The following MED13 variants were observed in gnomAD, a reference collection of about 807,000 sequenced individuals.
MED13 encodes mediator complex subunit 13, also known as mediator of RNA polymerase II transcription subunit 13.
A neutral mutation model predicts 225.2 loss-of-function variants in MED13; 23 were observed. That is an observed-to-expected ratio of 0.10 (90% CI 0.07 to 0.14). MED13 has a LOEUF of 0.14. Among genes scored for constraint, MED13 ranks in the 10% least tolerant of loss-of-function variants. MED13 has a pLI of 1.00. For synonymous variants in MED13, 942 were observed against 889.2 expected (o/e 1.06, Z -1.06); for missense variants, 2,197 against 2,594.5 (o/e 0.85, Z 3.33).
chr17:61,993,651 C>A (rs988770378), intron 10 of MED13, among the ~76,000 whole-genome samples: 2 of 151,842 alleles, frequency 1.3e-5, no homozygotes, highest in Non-Finnish European at 2.9e-5. Context: ...TATTGGGGGC[C>A]AGGCACGGTG....
chr17:62,063,691 G>GT (rs1568011224), intron 1 of MED13, among the ~76,000 whole-genome samples: 1 of 152,150 alleles, frequency 6.6e-6, no homozygotes, highest in Non-Finnish European at 1.5e-5. Flanking sequence ...CCTATCATGG[G>GT]TTTTTATTCC....
intron 21 of MED13, among the ~76,000 whole-genome samples, chr17:61,961,994 A>G (rs962474301): frequency 1.3e-5 from 2 of 152,182 alleles, no homozygotes; most frequent in African/African-American, 4.8e-5. Context: ...TTTAAAACCT[A>G]TAAAACTTTC....
intron 2 of MED13, among the ~76,000 whole-genome samples, chr17:62,060,492 C>T (rs1374687031): frequency 1.3e-5 from 2 of 151,032 alleles, no homozygotes; most frequent in East Asian, 2.0e-4. Context: ...TGGTGGTGGG[C>T]GCCTGTAGTC....
chr17:61,998,784 A>G (rs979526931), intron 9 of MED13, among the ~76,000 whole-genome samples: 8 of 151,630 alleles, frequency 5.3e-5, no homozygotes, highest in Non-Finnish European at 1.2e-4. Context: ...TTTTTTGTAG[A>G]GACAGGATCT....
intron 12 of MED13, 40 bp from the exon 13 acceptor site, chr17:61,985,130 C>G: frequency 8.1e-6 from 12 of 1,488,632 alleles, no homozygotes; most frequent in Non-Finnish European, 1.0e-5. Context: ...AATTTTACAT[C>G]CAATGTGATC....
intron 20 of MED13, 63 bp from the exon 21 acceptor site, chr17:61,963,034 G>A (rs2080017020): frequency 7.0e-7 from 1 of 1,426,382 alleles, no homozygotes; most frequent in South Asian, 1.2e-5. Context: ...TAGCATCTAA[G>A]CAGGTTCTTA....
At chr17:62,062,086 G>A in intron 2 of MED13, among the ~76,000 whole-genome samples, 1 of 151,946 alleles carries the variant, frequency 6.6e-6, no homozygotes, top group Non-Finnish European at 1.5e-5. Flanking sequence ...GATCCTATAG[G>A]TCAGAGATAC....
At chr17:62,047,514 T>C (rs1165315595) in intron 3 of MED13, among the ~76,000 whole-genome samples, 1 of 151,954 alleles carries the variant, frequency 6.6e-6, no homozygotes, top group South Asian at 2.1e-4. Flanking sequence ...TGAGAACACA[T>C]GGACACAGGG....
At position 61,966,098 on chromosome 17, in the gene MED13, T is replaced by C. The variant is rs149616928; in HGVS notation, c.4381+364A>G. 1.5e-4 allele frequency among the ~76,000 whole-genome samples: 23 copies of C among 152,372 alleles called. No homozygotes were observed. The East Asian group carries it at 4.4e-3, about 29-fold the overall frequency. Reference sequence around the variant, plus strand: ...ATTTCTTGGTTTGGTAGAGATTAACTATAAATTATTTTATCTCTAAACTGT... The same window carrying C: ...ATTTCTTGGTTTGGTAGAGATTAACCATAAATTATTTTATCTCTAAACTGT... On this transcript the variant is annotated intron_variant, in intron 19 of 29. Coordinates refer to ENST00000397786, the MANE Select transcript of MED13 (RefSeq NM_005121.3).
At chr17:62,048,200 G>T (rs181532651) in intron 3 of MED13, among the ~76,000 whole-genome samples, 3 of 150,074 alleles carry the variant, frequency 2.0e-5, no homozygotes, top group Non-Finnish European at 4.4e-5. Context: ...GAGGCCAGGA[G>T]ATCAAGACCA....
chr17:62,030,133 T>C (rs529498176), intron 6 of MED13, 120 bp from the exon 7 acceptor site: 5 of 987,698 alleles, frequency 5.1e-6, no homozygotes, highest in South Asian at 5.6e-5. Context: ...AAATTATTTA[T>C]ATTTTGAGAT....
chr17:62,048,051 T>TACATATACATATACATATAC lies in MED13; in HGVS notation c.470+4485_470+4486insGTATATGTATATGTATATGT, dbSNP rs1364860315. 2.1e-5 allele frequency among the ~76,000 whole-genome samples: 3 copies of TACATATACATATACATATAC among 144,814 alleles called. No homozygotes were observed. The South Asian group carries it at 6.4e-4, about 31-fold the overall frequency. On this transcript the variant is annotated intron_variant, in intron 3 of 29. Coordinates refer to ENST00000397786, the MANE Select transcript of MED13 (RefSeq NM_005121.3). ...ATATACATATACATATACATATATA[T>TACATATACATATACATATAC]ATATATATATATGTATATATGTATA... is the stretch of plus-strand genomic sequence containing the variant.
chr17:62,051,589 C>T (rs2080957118), intron 3 of MED13, among the ~76,000 whole-genome samples: 1 of 152,042 alleles, frequency 6.6e-6, no homozygotes, highest in Non-Finnish European at 1.5e-5. Context: ...TTTATTTATC[C>T]AGGCTTATCT....
At chr17:62,058,310 T>C (rs1225390868) in intron 2 of MED13, among the ~76,000 whole-genome samples, 2 of 151,954 alleles carry the variant, frequency 1.3e-5, no homozygotes, top group Non-Finnish European at 2.9e-5. Context: ...GGCCAGGAGT[T>C]CCAGACCAGC....
In MED13 at chr17:61,989,504, A is replaced by T. The variant is rs2080277128; in HGVS notation, c.2264-2376T>A. On this transcript the variant is annotated intron_variant, in intron 11 of 29. Coordinates refer to ENST00000397786, the MANE Select transcript of MED13 (RefSeq NM_005121.3). Reference sequence around the variant, plus strand: ...CAGGTGCACGCCACCACACCTGGCTAATTTTGTATTTTTAGTAGAAACGGA... The same window carrying T: ...CAGGTGCACGCCACCACACCTGGCTTATTTTGTATTTTTAGTAGAAACGGA... Among the ~76,000 whole-genome samples the T allele has an allele frequency of 2.6e-5, 4 of 151,816 alleles. No individual in the cohort carries two copies. In the South Asian group the frequency reaches 8.3e-4, roughly 32 times the overall value.
rs1450692521 is a variant in MED13 at position 61,957,151 on chromosome 17, AT to A, written c.5481-671del. Among the ~76,000 whole-genome samples the A allele has an allele frequency of 4.6e-5, 7 of 151,726 alleles. No homozygotes were observed. In the East Asian group the frequency reaches 1.4e-3, roughly 30 times the overall value. On this transcript the variant is annotated intron_variant, in intron 23 of 29. Transcript: ENST00000397786. The stretch of plus-strand genomic sequence containing the variant: ...AACCTCTGCCTCCCGGGCTCAAGTG[AT>A]TCTCCTGCCTCAGCCTTCCGAGCAG...
chr17:61,972,831 A>G lies in MED13; in HGVS notation c.3863T>C (p.Val1288Ala). The change falls in exon 17 of 30, where the codon GTT becomes GCT. Residue 1288 changes from valine to alanine, a missense_variant. Transcript: ENST00000397786. ...ILRMLLSLQP[V>A]LQDAIQKKRT... ...TTTTTTCTGAATGGCATCCTGAAGAACTGGCTGAAGAGAGAGGAGCATTCG... is the reference window on the plus strand; with the variant it reads ...TTTTTTCTGAATGGCATCCTGAAGAGCTGGCTGAAGAGAGAGGAGCATTCG... 6.2e-7 allele frequency: 1 copy of G among 1,614,044 alleles called. No homozygotes were observed. Among genetic ancestry groups the G allele is most frequent in the Non-Finnish European group, 8.5e-7 (1 of 1,179,950 alleles).
intron 3 of MED13, among the ~76,000 whole-genome samples, chr17:62,042,987 T>A (rs956563654): frequency 6.6e-6 from 1 of 151,404 alleles, no homozygotes; most frequent in Non-Finnish European, 1.5e-5. Flanking sequence ...AGAAACCCCA[T>A]CTCTACCTAA....
At chr17:61,954,313 TCTATAAATTCAC>T (rs2143302995) in intron 26 of MED13, among the ~76,000 whole-genome samples, 1 of 152,260 alleles carries the variant, frequency 6.6e-6, no homozygotes, top group South Asian at 2.1e-4. Flanking sequence ...TAAAATGCAA[TCTATAAATTCAC>T]CTGGAAAAGC....
Sources: gnomAD v4.1 joint callset for allele counts (sites outside exome capture counted in the v4.1 genomes callset) on GRCh38, gnomAD v4.1.1 for gene constraint, MANE v1.5 for transcripts, NCBI Gene and HGNC (gene_info 2026-07-23, HGNC 2026-07-21) for gene names.